The following UBE2R2 variants were observed in gnomAD, a reference collection of about 807,000 sequenced individuals.
The protein encoded by UBE2R2 is ubiquitin-conjugating enzyme E2 R2.
Under a neutral mutation model 27.8 loss-of-function variants are expected in UBE2R2, and 1 was observed. The ratio of observed to expected loss-of-function variants is 0.04; its 90% CI spans 0.01 to 0.17. The LOEUF is 0.17. UBE2R2 is among the 10% of genes least tolerant of loss of function. The probability of loss-of-function intolerance (pLI) is 1.00; values close to 1 mark genes in which losing one functional copy is unlikely to be tolerated. For synonymous variants in UBE2R2, 106 were observed against 113.3 expected (o/e 0.94, Z 0.41); for missense variants, 100 against 291.0 (o/e 0.34, Z 4.78).
In UBE2R2 at chr9:33,876,747, C is replaced by T. The variant is rs150323811; in HGVS notation, c.178-10134C>T. Among the ~76,000 whole-genome samples the T allele has an allele frequency of 8.3e-3, 1,268 of 152,136 alleles. 15 individuals carry two copies. The highest frequency in any genetic ancestry group is 0.028 in the African/African-American group (1,165 of 41,480). On this transcript the variant is annotated intron_variant, in intron 1 of 4. Transcript: ENST00000263228. ...TGGCTAACATGGTGAAACCCCGTCT[C>T]TACTAAAAATACAAAAAATGTAGCC...
At chr9:33,854,138 T>A (rs907204802) in intron 1 of UBE2R2, among the ~76,000 whole-genome samples, 2 of 152,218 alleles carry the variant, frequency 1.3e-5, no homozygotes, top group Non-Finnish European at 2.9e-5. Flanking sequence ...ATTGGTTTTT[T>A]AACAAAACTC....
chr9:33,884,366 CCCCACCTCCTGGGCTCAAGTGATCCT>C (rs1821809144), intron 1 of UBE2R2, among the ~76,000 whole-genome samples: 1 of 150,390 alleles, frequency 6.6e-6, no homozygotes, highest in African/African-American at 2.5e-5. Flanking sequence ...CCCACTGCAG[CCCCACCTCCTGGGCTCAAGTGATCCT>C]CCCACCTCAG....
chr9:33,841,087 ATTTT>A (rs937406198), intron 1 of UBE2R2, among the ~76,000 whole-genome samples: 3 of 141,382 alleles, frequency 2.1e-5, no homozygotes, highest in Non-Finnish European at 3.1e-5. Context: ...ACCACGCCTG[ATTTT>A]TTTTTTTTTG....
intron 1 of UBE2R2, among the ~76,000 whole-genome samples, chr9:33,870,623 A>C (rs1821466537): frequency 6.6e-6 from 1 of 152,198 alleles, no homozygotes; most frequent in Admixed American, 6.5e-5. Flanking sequence ...AAAGTGGTTC[A>C]AGAAGACAAA....
At chr9:33,850,823 CTT>C (rs1175791555) in intron 1 of UBE2R2, among the ~76,000 whole-genome samples, 2 of 152,180 alleles carry the variant, frequency 1.3e-5, no homozygotes, top group Non-Finnish European at 2.9e-5. Flanking sequence ...CCTTTCAGCT[CTT>C]ATAAAAATGG....
chr9:33,864,781 A>G (rs1281771621), intron 1 of UBE2R2, among the ~76,000 whole-genome samples: 3 of 150,288 alleles, frequency 2.0e-5, no homozygotes, highest in East Asian at 3.9e-4. Flanking sequence ...CTGGAGTACA[A>G]TGGCGTGATC....
intron 1 of UBE2R2, among the ~76,000 whole-genome samples, chr9:33,861,975 T>A (rs1316631683): frequency 6.7e-6 from 1 of 148,438 alleles, no homozygotes; most frequent in African/African-American, 2.5e-5. Flanking sequence ...TGCCTCAGCC[T>A]CCCATGTAGC....
chr9:33,827,438 C>T (rs545153845), intron 1 of UBE2R2, among the ~76,000 whole-genome samples: 10 of 152,206 alleles, frequency 6.6e-5, no homozygotes, highest in South Asian at 4.2e-4. Context: ...ATTAGGAGTT[C>T]GGCACCAGCC....
At chr9:33,882,534 A>G (rs1469351728) in intron 1 of UBE2R2, among the ~76,000 whole-genome samples, 1 of 152,144 alleles carries the variant, frequency 6.6e-6, no homozygotes, top group African/African-American at 2.4e-5. Flanking sequence ...CCACCCGCCT[A>G]GGGCTCCAAA....
chr9:33,875,040 C>A (rs1043436703), intron 1 of UBE2R2, among the ~76,000 whole-genome samples: 1 of 151,470 alleles, frequency 6.6e-6, no homozygotes, highest in African/African-American at 2.4e-5. Context: ...GTCTCGAACT[C>A]CTGACCTTGT....
upstream of UBE2R2, among the ~76,000 whole-genome samples, chr9:33,815,186 A>C (rs189650385): frequency 2.9e-3 from 442 of 152,344 alleles, 2 homozygotes; most frequent in Admixed American, 5.4e-3. Flanking sequence ...CATCAGAACA[A>C]AGTCTAAGAA....
intron 2 of UBE2R2, among the ~76,000 whole-genome samples, chr9:33,887,831 C>A (rs1821896695): frequency 6.6e-6 from 1 of 152,170 alleles, no homozygotes; most frequent in South Asian, 2.1e-4. Context: ...CATGCGCCAC[C>A]ATGCCCAGCT....
intron 1 of UBE2R2, among the ~76,000 whole-genome samples, chr9:33,876,288 G>A (rs556290198): frequency 5.3e-5 from 8 of 152,264 alleles, no homozygotes; most frequent in East Asian, 3.9e-4. Flanking sequence ...CCCGGGAGGC[G>A]GAGGTTGCAG....
intron 2 of UBE2R2, among the ~76,000 whole-genome samples, chr9:33,895,929 T>C (rs544154514): frequency 2.0e-5 from 3 of 151,676 alleles, no homozygotes; most frequent in Non-Finnish European, 4.4e-5. Flanking sequence ...TGAGCCACCA[T>C]GTCTGGCAAA....
At chr9:33,897,024 A>ATTT (rs749987839) in intron 2 of UBE2R2, among the ~76,000 whole-genome samples, 670 of 40,660 alleles carry the variant, frequency 0.016, 214 homozygotes, top group Middle Eastern at 0.036. Context: ...CTGTGGCCTA[A>ATTT]TTTTTTTTTT....
Position 33,862,281 on chromosome 9 carries a change from C to T in UBE2R2, c.178-24600C>T, listed in dbSNP as rs1234816108. On this transcript the variant is annotated intron_variant, in intron 1 of 4. Coordinates refer to ENST00000263228, the MANE Select transcript of UBE2R2 (RefSeq NM_017811.4). Reference sequence around the variant, plus strand: ...GCCTTTGCCATCATTATAACCTAGACTTTTGCTCCTTCATATCTGGTAGTT... The same window carrying T: ...GCCTTTGCCATCATTATAACCTAGATTTTTGCTCCTTCATATCTGGTAGTT... Among the ~76,000 whole-genome samples the T allele has an allele frequency of 3.9e-5, 6 of 152,132 alleles. 1 individual carries two copies. The highest frequency in any genetic ancestry group is 8.8e-5 in the Non-Finnish European group (6 of 68,016).
intron 1 of UBE2R2, among the ~76,000 whole-genome samples, chr9:33,826,720 A>G (rs1820323438): frequency 6.6e-6 from 1 of 152,018 alleles, no homozygotes; most frequent in East Asian, 1.9e-4. Context: ...TCCAAAAAAA[A>G]AGAAAAGTGA....
At chr9:33,897,549 C>T (rs1822142854) in intron 2 of UBE2R2, among the ~76,000 whole-genome samples, 1 of 151,050 alleles carries the variant, frequency 6.6e-6, no homozygotes, top group Non-Finnish European at 1.5e-5. Flanking sequence ...AACTCCTGAC[C>T]TCAAGTGATC....
chr9:33,866,591 A>G (rs1183264362), intron 1 of UBE2R2, among the ~76,000 whole-genome samples: 3 of 152,210 alleles, frequency 2.0e-5, no homozygotes, highest in African/African-American at 7.2e-5. Context: ...TATGTGTCAT[A>G]AATATAGCAG....
Sources: allele counts gnomAD v4.1 joint callset (sites outside exome capture counted in the v4.1 genomes callset), GRCh38; gene constraint gnomAD v4.1.1; transcripts MANE v1.5; gene names NCBI Gene and HGNC (gene_info 2026-07-23, HGNC 2026-07-21).